The following PKD1L1 variants were observed in gnomAD, a reference collection of about 807,000 sequenced individuals.
PKD1L1 encodes polycystin 1 like 1, transient receptor potential channel interacting.
A neutral mutation model predicts 323.4 loss-of-function variants in PKD1L1; 236 were observed. The observed-to-expected ratio is 0.73, with a 90% CI of 0.66 to 0.81. The LOEUF is 0.81. Ranked by LOEUF, PKD1L1 falls within the 40% of genes least tolerant of loss-of-function variation. PKD1L1 has a pLI of 0.00. For synonymous variants in PKD1L1, 1,344 were observed against 1,335.0 expected (o/e 1.01, Z -0.15); for missense variants, 3,320 against 3,508.0 (o/e 0.95, Z 1.35).
At chr7:47,780,977 A>G (rs533518049) in intron 56 of PKD1L1, among the ~76,000 whole-genome samples, 2 of 152,340 alleles carry the variant, frequency 1.3e-5, no homozygotes, top group Non-Finnish European at 2.9e-5. Flanking sequence ...AGAAACTGCC[A>G]AACTATTTCC....
intron 16 of PKD1L1, 135 bp from the exon 17 acceptor site, chr7:47,888,285 C>T (rs1454760527): frequency 3.5e-6 from 3 of 864,148 alleles, no homozygotes; most frequent in Admixed American, 2.6e-5. Flanking sequence ...AATGTCACAG[C>T]ACATATGATG....
At chr7:47,783,089 G>A (rs889216132) in intron 56 of PKD1L1, among the ~76,000 whole-genome samples, 1 of 152,068 alleles carries the variant, frequency 6.6e-6, no homozygotes, top group Non-Finnish European at 1.5e-5. Context: ...ACATTCCTGC[G>A]TTCTGTAACT....
intron 54 of PKD1L1, among the ~76,000 whole-genome samples, chr7:47,797,093 C>T (rs1002079964): frequency 6.6e-6 from 1 of 152,124 alleles, no homozygotes; most frequent in African/African-American, 2.4e-5. Flanking sequence ...ACAGCTGTTA[C>T]CCACTGATAA....
At chr7:47,804,535 C>T (rs1209075317) in intron 52 of PKD1L1, among the ~76,000 whole-genome samples, 4 of 143,932 alleles carry the variant, frequency 2.8e-5, no homozygotes, top group East Asian at 2.1e-4. Context: ...GGCAGGATCT[C>T]GGCTCACTGC....
At chr7:47,806,673 T>G (rs1225204871) in intron 52 of PKD1L1, among the ~76,000 whole-genome samples, 3 of 152,252 alleles carry the variant, frequency 2.0e-5, no homozygotes, top group Non-Finnish European at 4.4e-5. Flanking sequence ...TAATGCAGAT[T>G]TCATTAGATG....
intron 54 of PKD1L1, among the ~76,000 whole-genome samples, chr7:47,799,927 T>C (rs1162597356): frequency 3.3e-5 from 5 of 152,188 alleles, no homozygotes; most frequent in Admixed American, 6.5e-5. Flanking sequence ...GGGTAAAATA[T>C]AAGACACTCA....
At position 47,819,952 on chromosome 7, in the gene PKD1L1, G is replaced by C. The variant is rs1328903436; in HGVS notation, c.6965+1124C>G. 28 of 216,922 alleles carry C rather than the reference G, an allele frequency of 1.3e-4. No homozygotes were observed. In the South Asian group the frequency reaches 1.8e-3, roughly 14 times the overall value. The allele number at this position is 216,922 out of a possible 1,614,324, so 13.4% of individuals were successfully genotyped here. A position where few individuals can be genotyped will look rare whatever the true frequency, so the allele number is the denominator to read the frequency against. ...CAACAAACACACTGATAGAGTTGCT[G>C]CATAAATGTGTCTTTAAATATTCAC... On this transcript the variant is annotated intron_variant, in intron 46 of 56. Coordinates refer to ENST00000289672, the MANE Select transcript of PKD1L1 (RefSeq NM_138295.5).
At chr7:47,808,919 A>G (rs1024860271) in intron 51 of PKD1L1, among the ~76,000 whole-genome samples, 6 of 152,136 alleles carry the variant, frequency 3.9e-5, no homozygotes, top group African/African-American at 1.4e-4. Flanking sequence ...ATTTGTAAAC[A>G]CGTTTTTCTT....
At chr7:47,888,704 G>A (rs1240711300) in intron 16 of PKD1L1, among the ~76,000 whole-genome samples, 1 of 152,196 alleles carries the variant, frequency 6.6e-6, no homozygotes, top group Non-Finnish European at 1.5e-5. Context: ...TGTGGGTCAT[G>A]GGCAGTTCAC....
intron 46 of PKD1L1, among the ~76,000 whole-genome samples, chr7:47,818,499 T>C (rs13246591): frequency 0.14 from 21,806 of 152,234 alleles, 1,824 homozygotes; most frequent in African/African-American, 0.22. Flanking sequence ...TTCTTGACAC[T>C]TGCTTCCCTA....
chr7:47,839,599 G>C lies in PKD1L1; in HGVS notation c.5616C>G (p.Ser1872=). Residue 1872 remains serine, a synonymous_variant, in exon 36 of 57, where the codon TCC becomes TCG. Coordinates refer to ENST00000289672, the MANE Select transcript of PKD1L1 (RefSeq NM_138295.5). This position sits in a 1 kb window ranked among gnomAD's most constrained non-coding sequence, Gnocchi z 4.3. ...TCACGTGGCTGATGAACCAGCCTGGGGAAGGCCCACGGCTGTCGTGCCAGA... is the reference window on the plus strand; with the variant it reads ...TCACGTGGCTGATGAACCAGCCTGGCGAAGGCCCACGGCTGTCGTGCCAGA... ...IRLWHDSRGP[S]PGWFISHVMV... is the part of the protein sequence containing the mutation. 1 of 1,598,254 alleles carries C rather than the reference G, an allele frequency of 6.3e-7. No individual in the cohort carries two copies. Among genetic ancestry groups the C allele is most frequent in the Non-Finnish European group, 8.5e-7 (1 of 1,172,692 alleles).
At chr7:47,892,581 G>A (rs1167969237) in intron 15 of PKD1L1, among the ~76,000 whole-genome samples, 1 of 152,148 alleles carries the variant, frequency 6.6e-6, no homozygotes, top group Non-Finnish European at 1.5e-5. Context: ...GGTGAGGGAT[G>A]AGAAATTACC....
At position 47,905,117 on chromosome 7, in the gene PKD1L1, G is replaced by A. The variant is rs1431810912; in HGVS notation, c.1691+40C>T. 5 of 1,595,786 alleles carry A rather than the reference G, an allele frequency of 3.1e-6. No individual in the cohort carries two copies. The South Asian group carries it at 5.7e-5, about 18-fold the overall frequency. Reference sequence around the variant, plus strand: ...ATCTTCAGACTGAGTATAGGCTGCAGTACAAACAGCTACTCAGCAGGACTG... The same window carrying A: ...ATCTTCAGACTGAGTATAGGCTGCAATACAAACAGCTACTCAGCAGGACTG... On this transcript the variant is annotated intron_variant, in intron 11 of 56. Coordinates refer to ENST00000289672, the MANE Select transcript of PKD1L1 (RefSeq NM_138295.5).
At chr7:47,883,091 G>A (rs1304877562) in intron 19 of PKD1L1, among the ~76,000 whole-genome samples, 2 of 151,524 alleles carry the variant, frequency 1.3e-5, no homozygotes, top group African/African-American at 4.9e-5. Context: ...TCATTCAGTT[G>A]TATTGATTAA....
chr7:47,807,134 G>T (rs1047393181), intron 52 of PKD1L1, among the ~76,000 whole-genome samples: 2 of 152,066 alleles, frequency 1.3e-5, no homozygotes, highest in Non-Finnish European at 2.9e-5. Context: ...TGCCTTGCTT[G>T]TGCGAGTGTT....
chr7:47,855,034 A>G lies in PKD1L1; in HGVS notation c.4707T>C (p.Asn1569=). ...VEFGEEDGLD[N]RRNKTTFVLL... is the part of the protein sequence containing the mutation. ...ATACAAATGTCGTTTTATTTCTCCT[A>G]TTATCCTGTCATCACAAAGAAAACA... Residue 1569 remains asparagine, a synonymous_variant, in exon 30 of 57, where the codon AAT becomes AAC. Coordinates refer to ENST00000289672, the MANE Select transcript of PKD1L1 (RefSeq NM_138295.5). The G allele has an allele frequency of 6.2e-7, 1 of 1,611,816 alleles. No homozygotes were observed. The highest frequency in any genetic ancestry group is 1.1e-5 in the South Asian group (1 of 90,458).
intron 28 of PKD1L1, among the ~76,000 whole-genome samples, chr7:47,855,614 C>T (rs112705814): frequency 0.023 from 3,324 of 141,820 alleles, 858 homozygotes; most frequent in African/African-American, 0.092. Flanking sequence ...CGGTGGCTCA[C>T]GCCTGTAATC....
At chr7:47,886,180 A>G in intron 17 of PKD1L1, 126 bp from the exon 18 acceptor site, 1 of 1,269,014 alleles carries the variant, frequency 7.9e-7, no homozygotes, top group East Asian at 2.5e-5. Flanking sequence ...GAAAACCTAC[A>G]CTTAAGAGAT....
chr7:47,915,385 T>C, intron 8 of PKD1L1, 47 bp downstream of exon 8: 1 of 782,620 alleles, frequency 1.3e-6, no homozygotes, highest in Non-Finnish European at 2.4e-6. Flanking sequence ...CAAACAGCTT[T>C]ATATCAGCCC....
Sources: gnomAD v4.1 joint callset for allele counts (sites outside exome capture counted in the v4.1 genomes callset) on GRCh38, gnomAD v4.1.1 for gene constraint, Gnocchi (gnomAD v3.1) non-coding constraint, MANE v1.5 for transcripts, NCBI Gene and HGNC (gene_info 2026-07-23, HGNC 2026-07-21) for gene names.